The following CYB5R2 variants were observed in gnomAD, a reference collection of about 807,000 sequenced individuals.
The protein encoded by CYB5R2 is NADH-cytochrome b5 reductase 2.
Under a neutral mutation model 29.8 loss-of-function variants are expected in CYB5R2, and 35 were observed. The observed-to-expected ratio is 1.17, with a 90% CI of 0.90 to 1.56. The LOEUF is 1.56. CYB5R2 is among the 40% of genes most tolerant of loss of function. The probability of loss-of-function intolerance (pLI) is 0.00; values close to 1 mark genes in which losing one functional copy is unlikely to be tolerated. For synonymous variants in CYB5R2, 169 were observed against 130.6 expected, an observed-to-expected ratio of 1.29 and a Z score of -2.01; for missense variants, 419 against 346.7, an observed-to-expected ratio of 1.21 and a Z score of -1.66.
chr11:7,667,954 GC>G, intron 6 of CYB5R2, 141 bp from the exon 7 acceptor site: 1 of 687,212 alleles, frequency 1.5e-6, no homozygotes. Flanking sequence ...GCAGGAAACA[GC>G]CCTTCATTTT....
upstream of CYB5R2, chr11:7,674,151 G>A (rs1311769201): frequency 2.5e-6 from 3 of 1,223,986 alleles, no homozygotes; most frequent in African/African-American, 1.6e-5. Context: ...CTGGGTGACC[G>A]GGCGGAGGGG....
At chr11:7,674,220 A>G, upstream of CYB5R2, 4 of 1,284,334 alleles carry the variant, frequency 3.1e-6, no homozygotes, top group Non-Finnish European at 4.1e-6. Flanking sequence ...TATTCATTCG[A>G]CATACCTCAT....
At position 7,667,828 on chromosome 11, in the gene CYB5R2, G is replaced by C. The variant is rs1196080669; in HGVS notation, c.473-15C>G. The C allele has an allele frequency of 1.2e-6, 2 of 1,611,052 alleles. No individual in the cohort carries two copies. The highest frequency in any genetic ancestry group is 1.3e-5 in the African/African-American group (1 of 74,872). On this transcript the variant is annotated splice_polypyrimidine_tract_variant and intron_variant, in intron 6 of 8. Transcript: ENST00000299498. Reference sequence around the variant, plus strand: ...GGGTGTGATGCCTGGAACACAGTGAGCGAGCAGCCAGCTTTCTCCCTGTCT... The same window carrying C: ...GGGTGTGATGCCTGGAACACAGTGACCGAGCAGCCAGCTTTCTCCCTGTCT...
At chr11:7,666,045 G>A (rs994556503) in intron 8 of CYB5R2, 4 of 796,360 alleles carry the variant, frequency 5.0e-6, no homozygotes, top group African/African-American at 3.4e-5. Context: ...GCAGCTGTCT[G>A]GGGGCTCAGC....
chr11:7,670,694 C>T (rs1855676468), intron 3 of CYB5R2: 2 of 152,226 alleles, frequency 1.3e-5, no homozygotes. Context: ...TGGATCATGA[C>T]TACATCCCAC....
At chr11:7,672,674 A>T (rs529321266) in intron 2 of CYB5R2, 74 bp downstream of exon 2, 82 of 1,588,172 alleles carry the variant, frequency 5.2e-5, no homozygotes, top group Non-Finnish European at 6.6e-5. Context: ...AGGCCATGAG[A>T]TGACTGTCTG....
intron 2 of CYB5R2, 107 bp downstream of exon 2, chr11:7,672,641 C>CACACACACAT: frequency 6.9e-7 from 1 of 1,456,174 alleles, no homozygotes; most frequent in Non-Finnish European, 9.5e-7. Context: ...CACACACACA[C>CACACACACAT]AGGGCGGCGG....
chr11:7,667,912 T>A, intron 6 of CYB5R2, 99 bp from the exon 7 acceptor site: 1 of 983,998 alleles, frequency 1.0e-6, no homozygotes, highest in Non-Finnish European at 1.6e-6. Context: ...GCCCAAGTTA[T>A]CCTTTTCTCA....
Position 7,672,506 on chromosome 11 carries a change from G to C in CYB5R2, c.96C>G (p.Thr32=). 1.9e-6 allele frequency: 3 copies of C among 1,614,184 alleles called. No individual in the cohort carries two copies. The highest frequency in any genetic ancestry group is 1.7e-6 in the Non-Finnish European group (2 of 1,180,022). The change falls in exon 3 of 9, where the codon ACC becomes ACG. Residue 32 remains threonine (T), a synonymous_variant. Coordinates refer to ENST00000299498, the MANE Select transcript of CYB5R2 (RefSeq NM_016229.5). Reference sequence around the variant, plus strand: ...AAGGCAGTCCAAAGCGGAACCTCCGGGTGTTGTGGCTGATTTTCTGATAAA... The same window carrying C: ...AAGGCAGTCCAAAGCGGAACCTCCGCGTGTTGTGGCTGATTTTCTGATAAA... ...LIEKEKISHN[T]RRFRFGLPSP... is the part of the protein sequence containing the mutation.
At chr11:7,673,742 G>A (rs1310735978), upstream of CYB5R2, 3 of 985,522 alleles carry the variant, frequency 3.0e-6, no homozygotes, top group African/African-American at 5.3e-5. Context: ...CCAACACGTC[G>A]TCGAACTGGG....
chr11:7,672,144 G>A (rs191375402), intron 3 of CYB5R2: 1 of 360,384 alleles, frequency 2.8e-6, no homozygotes, highest in East Asian at 4.6e-5. Flanking sequence ...CAGAGAGATT[G>A]AAGGACTTCC....
At chr11:7,665,883 G>A (rs1023076596) in intron 8 of CYB5R2, 1 of 1,536,064 alleles carries the variant, frequency 6.5e-7, no homozygotes, top group African/African-American at 1.4e-5. Context: ...GTGGCCTGGT[G>A]TTAGTGGAAC....
At chr11:7,666,711 G>A (rs1855271747) in intron 7 of CYB5R2, 161 bp from the exon 8 acceptor site, 2 of 552,718 alleles carry the variant, frequency 3.6e-6, no homozygotes, top group African/African-American at 1.9e-5. Context: ...TGCTGCTCCT[G>A]AAGCTCAAAC....
chr11:7,669,464 T>C (rs1012015492), intron 4 of CYB5R2, 130 bp from the exon 5 acceptor site: 1 of 1,279,408 alleles, frequency 7.8e-7, no homozygotes, highest in Admixed American at 2.2e-5. Flanking sequence ...TTGTACGCAA[T>C]CCCTGAAGAT....
At chr11:7,672,918 C>T in intron 1 of CYB5R2, 27 bp from the exon 2 acceptor site, 1 of 1,597,424 alleles carries the variant, frequency 6.3e-7, no homozygotes, top group Non-Finnish European at 8.5e-7. Context: ...GAACAGAGCA[C>T]CTCAGGTCTT....
intron 5 of CYB5R2, 53 bp from the exon 6 acceptor site, chr11:7,668,614 G>A (rs111387880): frequency 1.9e-5 from 26 of 1,401,526 alleles, no homozygotes; most frequent in African/African-American, 1.3e-4. Flanking sequence ...TAAAGAGACT[G>A]CAAAAGATCA....
Position 7,665,321 on chromosome 11 carries a change from TA to T in CYB5R2, c.*52del. ...CAGTTTACCGTGGTGAAATTGAACT[TA>T]CTCTGAAACAGATGAAAAGGGACAT... is the stretch of plus-strand genomic sequence containing the variant. On this transcript the variant is annotated 3_prime_UTR_variant, in exon 9 of 9. Coordinates refer to ENST00000299498, the MANE Select transcript of CYB5R2 (RefSeq NM_016229.5). The T allele has an allele frequency of 7.1e-7, 1 of 1,398,770 alleles. No individual in the cohort carries two copies. Among genetic ancestry groups the T allele is most frequent in the Non-Finnish European group, 9.6e-7 (1 of 1,046,904 alleles). 86.6% of individuals were successfully genotyped at this position (1,398,770 alleles called of 1,614,324 possible). A position where few individuals can be genotyped will look rare whatever the true frequency, so the allele number is the denominator to read the frequency against.
intron 3 of CYB5R2, chr11:7,672,187 A>AT: frequency 2.3e-6 from 1 of 442,350 alleles, no homozygotes; most frequent in Non-Finnish European, 4.0e-6. Flanking sequence ...CTTCCATGAG[A>AT]TTTTAGGCCT....
intron 3 of CYB5R2, chr11:7,670,820 G>C (rs12577557): frequency 0.16 from 24,081 of 152,208 alleles, 1,971 homozygotes; most frequent in African/African-American, 0.19. Context: ...AAGAGCTAGA[G>C]GCAAGAGAAA....
Sources: allele counts gnomAD v4.1 joint callset, GRCh38; gene constraint gnomAD v4.1.1; transcripts MANE v1.5; gene names NCBI Gene and HGNC (gene_info 2026-07-23, HGNC 2026-07-21).